The following TRIM38 variants were observed in gnomAD, a reference collection of about 807,000 sequenced individuals.
The protein encoded by TRIM38 is E3 ubiquitin-protein ligase TRIM38.
A neutral mutation model predicts 35.8 loss-of-function variants in TRIM38; 35 were observed. That is an observed-to-expected ratio of 0.98 (90% confidence interval 0.75 to 1.30). The LOEUF is 1.30. TRIM38 is among the 50% of genes most tolerant of loss of function. TRIM38 has a pLI of 0.00. For missense variants in TRIM38, 545 were observed against 556.9 expected, an observed-to-expected ratio of 0.98 and a Z score of 0.21; for synonymous variants, 198 against 204.7, an observed-to-expected ratio of 0.97 and a Z score of 0.28.
At chr6:25,976,445 A>T (rs1256720717) in intron 7 of TRIM38, among the ~76,000 whole-genome samples, 2 of 152,098 alleles carry the variant, frequency 1.3e-5, no homozygotes, top group African/African-American at 4.8e-5. Context: ...TTTTTTAAAA[A>T]TTTTTTGTAG....
At chr6:25,974,309 A>G (rs904028337) in intron 7 of TRIM38, among the ~76,000 whole-genome samples, 1 of 152,200 alleles carries the variant, frequency 6.6e-6, no homozygotes, top group African/African-American at 2.4e-5. Context: ...CACAGCTTCT[A>G]CAGGCCACCC....
rs1312957236 is a variant in TRIM38, at chr6:25,966,534, C to G, written c.12C>G (p.Thr4=). Residue 4 remains threonine (T), a synonymous_variant, in exon 3 of 8, where the codon ACC becomes ACG. Coordinates refer to ENST00000357085, the MANE Select transcript of TRIM38 (RefSeq NM_006355.5). MAS[T]TSTKKMMEEA... ...TTTCAATAAAAGCTATGGCCTCAAC[C>G]ACCAGCACCAAGAAGATGATGGAGG... 1.3e-5 allele frequency: 21 copies of G among 1,607,800 alleles called. No individual in the cohort carries two copies. The highest frequency in any genetic ancestry group is 1.8e-5 in the Non-Finnish European group (21 of 1,175,926).
At chr6:25,963,371 G>A (rs995265206) in intron 2 of TRIM38, 89 bp downstream of exon 2, 5 of 150,804 alleles carry the variant, frequency 3.3e-5, no homozygotes, top group South Asian at 2.1e-4. Context: ...GCTCCCAGGA[G>A]TAGGGGTGTG....
At chr6:25,966,136 A>G (rs893853609) in intron 2 of TRIM38, among the ~76,000 whole-genome samples, 199 bp from the exon 3 acceptor site, 10 of 152,200 alleles carry the variant, frequency 6.6e-5, no homozygotes, top group Admixed American at 6.5e-4. Context: ...ACAAAGAACA[A>G]TGTATAGCCA....
At chr6:25,976,247 G>A (rs1017492416) in intron 7 of TRIM38, among the ~76,000 whole-genome samples, 3 of 152,116 alleles carry the variant, frequency 2.0e-5, no homozygotes, top group African/African-American at 2.4e-5. Flanking sequence ...ATTTTGCAAT[G>A]TGGCAGAAAA....
Position 25,971,907 on chromosome 6 carries a change from C to T in TRIM38, c.546C>T (p.Asp182=), listed in dbSNP as rs1402117473. Residue 182 remains aspartate (D), a synonymous_variant, in exon 5 of 8, where the codon GAC becomes GAT. Coordinates refer to ENST00000357085, the MANE Select transcript of TRIM38 (RefSeq NM_006355.5). ...VQIQRQKIRS[D]FKNLQCFLHE... ...TTCAGAGACAAAAAATCCGGTCTGA[C>T]TTTAAGAATCTCCAGTGTTTCCTAC... 1.2e-6 allele frequency: 2 copies of T among 1,614,160 alleles called. No individual in the cohort carries two copies.
At chr6:25,982,698 A>G (rs1760580675) in intron 7 of TRIM38, among the ~76,000 whole-genome samples, 1 of 152,228 alleles carries the variant, frequency 6.6e-6, no homozygotes, top group South Asian at 2.1e-4. Context: ...CTTTATAGTT[A>G]ACAAACTGAG....
In TRIM38 at chr6:25,980,000, T is replaced by C. The variant is rs569024472; in HGVS notation, c.875-3164T>C. Among the ~76,000 whole-genome samples, 12 of 152,332 alleles carry C rather than the reference T, an allele frequency of 7.9e-5. No individual in the cohort carries two copies. The East Asian group carries it at 2.1e-3, about 27-fold the overall frequency. Reference sequence around the variant, plus strand: ...TTTATTATTGGTTTATAATCTTATATTGAGGCTAGAGAAAATGATCTGTGT... The same window carrying C: ...TTTATTATTGGTTTATAATCTTATACTGAGGCTAGAGAAAATGATCTGTGT... On this transcript the variant is annotated intron_variant, in intron 7 of 7. Transcript: ENST00000357085.
Position 25,986,003 on chromosome 6 carries a change from G to A in TRIM38, c.*2316G>A, listed in dbSNP as rs560621096. 2.6e-5 allele frequency: 4 copies of A among 152,088 alleles called. No individual in the cohort carries two copies. Among genetic ancestry groups the A allele is most frequent in the Non-Finnish European group, 5.9e-5 (4 of 68,014 alleles). 9.4% of individuals were successfully genotyped at this position (152,088 alleles called of 1,614,324 possible). A position where few individuals can be genotyped will look rare whatever the true frequency, so the allele number is the denominator to read the frequency against. On this transcript the variant is annotated 3_prime_UTR_variant, in exon 8 of 8. Transcript: ENST00000357085. ...AAATTGGAGATTAATTGGGGTGCAGGAAAGTTATGGAAAGAATATAAGTCC... is the reference window on the plus strand; with the variant it reads ...AAATTGGAGATTAATTGGGGTGCAGAAAAGTTATGGAAAGAATATAAGTCC...
intron 7 of TRIM38, among the ~76,000 whole-genome samples, chr6:25,976,566 C>T (rs762480958): frequency 1.6e-4 from 24 of 152,302 alleles, no homozygotes; most frequent in African/African-American, 4.3e-4. Flanking sequence ...CCACCATCTC[C>T]GGCCTGAAGT....
intron 2 of TRIM38, among the ~76,000 whole-genome samples, chr6:25,964,811 T>C (rs550135819): frequency 1.0e-5 from 1 of 99,440 alleles, no homozygotes; most frequent in East Asian, 3.4e-4. Context: ...TGGTACCAAT[T>C]ATTCTTTTTT....
In TRIM38 at chr6:25,983,523, G is replaced by T; in HGVS notation, c.1234G>T (p.Val412Leu). ...SLHLHEQPLL[V>L]GIFLDYEAGV... ...TCATCTGCATGAGCAGCCCCTGCTTGTGGGAATTTTTCTGGACTATGAGGC... is the reference window on the plus strand; with the variant it reads ...TCATCTGCATGAGCAGCCCCTGCTTTTGGGAATTTTTCTGGACTATGAGGC... Residue 412 changes from valine to leucine, a missense_variant, in exon 8 of 8, where the codon GTG becomes TTG. Coordinates refer to ENST00000357085, the MANE Select transcript of TRIM38 (RefSeq NM_006355.5). The T allele has an allele frequency of 1.9e-6, 3 of 1,614,074 alleles. No homozygotes were observed. The highest frequency in any genetic ancestry group is 2.5e-6 in the Non-Finnish European group (3 of 1,180,026).
chr6:25,972,497 T>G (rs977193515), intron 5 of TRIM38, among the ~76,000 whole-genome samples: 4 of 152,206 alleles, frequency 2.6e-5, no homozygotes, highest in African/African-American at 9.7e-5. Context: ...ATCTACAGCT[T>G]TATCTGTAGG....
At chr6:25,972,531 A>G (rs1760268714) in intron 5 of TRIM38, among the ~76,000 whole-genome samples, 1 of 152,198 alleles carries the variant, frequency 6.6e-6, no homozygotes, top group Non-Finnish European at 1.5e-5. Flanking sequence ...GGAGCCATTA[A>G]TTCTGGTTCT....
Position 25,983,361 on chromosome 6 carries a change from G to A in TRIM38, c.1072G>A (p.Gly358Arg), listed in dbSNP as rs368108856. The A allele has an allele frequency of 5.6e-6, 9 of 1,614,052 alleles. No homozygotes were observed. Among genetic ancestry groups the A allele is most frequent in the East Asian group, 4.5e-5 (2 of 44,870 alleles). The change falls in exon 8 of 8, where the codon GGA becomes AGA. Residue 358 changes from glycine (G) to arginine (R), a missense_variant. Transcript: ENST00000357085. ...TGAAGTGGATGTTGGCGAAGGAACC[G>A]GATGGGATTTAGGAGTTTGTATGGA... ...YFEVDVGEGT[G>R]WDLGVCMENV...
At chr6:25,980,457 G>A (rs188411640) in intron 7 of TRIM38, among the ~76,000 whole-genome samples, 1 of 140,390 alleles carries the variant, frequency 7.1e-6, no homozygotes, top group Non-Finnish European at 1.5e-5. Flanking sequence ...ATCTCTCTCT[G>A]TCACCCAGGC....
At chr6:25,973,758 A>G (rs1259842772) in intron 7 of TRIM38, 1 of 985,462 alleles carries the variant, frequency 1.0e-6, no homozygotes, top group Non-Finnish European at 1.2e-6. Context: ...ATAACCTATC[A>G]TTCACATATT....
At chr6:25,974,944 G>A in intron 7 of TRIM38, 1 of 985,232 alleles carries the variant, frequency 1.0e-6, no homozygotes, top group Non-Finnish European at 1.2e-6. Flanking sequence ...AGTTTTGCTG[G>A]GATTTCACTG....
intron 4 of TRIM38, among the ~76,000 whole-genome samples, chr6:25,970,288 T>C (rs181222236): frequency 1.5e-3 from 228 of 152,352 alleles, no homozygotes; most frequent in African/African-American, 2.9e-3. Context: ...TTTCAGATTA[T>C]TTCCGTGGCT....
Sources: gnomAD v4.1 joint callset for allele counts (sites outside exome capture counted in the v4.1 genomes callset) on GRCh38, gnomAD v4.1.1 for gene constraint, MANE v1.5 for transcripts, NCBI Gene and HGNC (gene_info 2026-07-23, HGNC 2026-07-21) for gene names.